The following DDC variants were observed in gnomAD, a reference collection of about 807,000 sequenced individuals.
DDC encodes aromatic-L-amino-acid decarboxylase.
Under a neutral mutation model 60.0 loss-of-function variants are expected in DDC, and 43 were observed. That is an observed-to-expected ratio of 0.72 (90% CI 0.56 to 0.92). The LOEUF is 0.92. Ranked by LOEUF, DDC falls within the 40% of genes least tolerant of loss-of-function variation. The pLI is 0.00. For missense variants in DDC, 573 were observed against 620.2 expected (o/e 0.92, Z 0.81); for synonymous variants, 232 against 234.6 (o/e 0.99, Z 0.10).
At chr7:50,485,429 A>G (rs2042861488) in intron 9 of DDC, among the ~76,000 whole-genome samples, 1 of 152,240 alleles carries the variant, frequency 6.6e-6, no homozygotes. Flanking sequence ...GTTTATGTTA[A>G]ATTATGGACT....
At chr7:50,497,692 T>C (rs753209138) in intron 8 of DDC, among the ~76,000 whole-genome samples, 10 of 152,218 alleles carry the variant, frequency 6.6e-5, no homozygotes, top group Non-Finnish European at 1.3e-4. Context: ...GAACTTCTCA[T>C]ATACTATACC....
At chr7:50,463,033 G>A (rs2042317005) in intron 14 of DDC, among the ~76,000 whole-genome samples, 180 bp downstream of exon 14, 1 of 152,196 alleles carries the variant, frequency 6.6e-6, no homozygotes, top group Non-Finnish European at 1.5e-5. Context: ...CTCCCAAAGT[G>A]CTGGGATTAC....
At chr7:50,537,830 C>T (rs765664045) in intron 4 of DDC, 30 bp downstream of exon 4, 8 of 1,613,988 alleles carry the variant, frequency 5.0e-6, no homozygotes, top group Non-Finnish European at 6.8e-6. Context: ...CCATGCATCC[C>T]AAAAGTGGCC....
At chr7:50,490,890 C>G (rs984362886) in intron 9 of DDC, among the ~76,000 whole-genome samples, 2 of 152,138 alleles carry the variant, frequency 1.3e-5, no homozygotes, top group African/African-American at 4.8e-5. Context: ...TAAATTGGCC[C>G]TATTATAATC....
intron 1 of DDC, among the ~76,000 whole-genome samples, chr7:50,564,793 A>G (rs2045396794): frequency 6.6e-6 from 1 of 152,158 alleles, no homozygotes; most frequent in Non-Finnish European, 1.5e-5. Context: ...AAACTATAAC[A>G]TACACCAAAA....
At chr7:50,516,361 A>T (rs1047737841) in intron 6 of DDC, among the ~76,000 whole-genome samples, 3 of 152,212 alleles carry the variant, frequency 2.0e-5, no homozygotes, top group African/African-American at 7.2e-5. Flanking sequence ...ATGGAAATTT[A>T]AAAATTCTTC....
chr7:50,498,879 C>G (rs1302799475), intron 8 of DDC, among the ~76,000 whole-genome samples: 1 of 152,190 alleles, frequency 6.6e-6, no homozygotes, highest in East Asian at 1.9e-4. Flanking sequence ...TACTTTCCCA[C>G]AGTTTTATAA....
At position 50,467,209 on chromosome 7, in the gene DDC, C is replaced by T. The variant is rs376967659; in HGVS notation, c.1242+5G>A. 2 of 1,611,928 alleles carry T rather than the reference C, an allele frequency of 1.2e-6. No homozygotes were observed. Among genetic ancestry groups the T allele is most frequent in the Admixed American group, 1.7e-5 (1 of 60,016 alleles). On this transcript the variant is annotated splice_donor_5th_base_variant and intron_variant, in intron 13 of 14. Transcript: ENST00000444124. ...AAATGAAGAATGGAATAGATGTAGA[C>T]AAACCTTTAGCCGAAAGCAGACAAG...
In DDC at chr7:50,546,039, T is replaced by C. The variant is rs141463838; in HGVS notation, c.-28-1926A>G. On this transcript the variant is annotated intron_variant, in intron 1 of 14. Coordinates refer to ENST00000444124, the MANE Select transcript of DDC (RefSeq NM_001082971.2). ...ATCACATGACCAGTAATTGCAGAAA[T>C]AGGATTCAAATTTATAGCTGGCTCC... Among the ~76,000 whole-genome samples, 786 of 152,112 alleles carry C rather than the reference T, an allele frequency of 5.2e-3. 4 individuals are homozygous for C. The highest frequency in any genetic ancestry group is 0.018 in the African/African-American group (748 of 41,488).
intron 13 of DDC, among the ~76,000 whole-genome samples, chr7:50,465,930 G>T (rs2042385443): frequency 6.6e-6 from 1 of 152,148 alleles, no homozygotes; most frequent in African/African-American, 2.4e-5. Context: ...CACCTCCCAG[G>T]TCTCATCACT....
intron 14 of DDC, chr7:50,459,813 C>T (rs527360210): frequency 2.1e-4 from 31 of 149,912 alleles, no homozygotes; most frequent in Non-Finnish European, 4.2e-4. Context: ...AGGCCAGCCG[C>T]CCCGTCCGGG....
In DDC at chr7:50,464,760, A is replaced by C. The variant is rs2042357889; in HGVS notation, c.1243-1329T>G. 2.0e-5 allele frequency among the ~76,000 whole-genome samples: 3 copies of C among 152,202 alleles called. No individual in the cohort carries two copies. In the South Asian group the frequency reaches 6.2e-4, roughly 32 times the overall value. ...CCATAATGAGGATGGAGGGAGAGGG[A>C]CCGTGATGCCATAGCAACATCACTT... On this transcript the variant is annotated intron_variant, in intron 13 of 14. Transcript: ENST00000444124.
intron 8 of DDC, among the ~76,000 whole-genome samples, chr7:50,495,855 G>A (rs564259278): frequency 3.9e-5 from 6 of 152,244 alleles, no homozygotes; most frequent in East Asian, 1.9e-4. Flanking sequence ...CAAGCACAAC[G>A]TACAGGAATT....
chr7:50,510,650 C>T (rs564400571), intron 6 of DDC, among the ~76,000 whole-genome samples: 275 of 112,174 alleles, frequency 2.5e-3, no homozygotes, highest in Middle Eastern at 9.3e-3. Flanking sequence ...GCCTGGGTGA[C>T]AGAGTGAGAC....
At chr7:50,538,939 TCTGTGGGCTCTTCAGCC>T (rs1210996774) in intron 3 of DDC, among the ~76,000 whole-genome samples, 4 of 151,810 alleles carry the variant, frequency 2.6e-5, no homozygotes, top group Admixed American at 2.6e-4. Context: ...GAAGAGCCCA[TCTGTGGGCTCTTCAGCC>T]CTGCCTGTAG....
rs1289397237 is a variant in DDC, at chr7:50,476,644, C to T, written c.1022-1G>A. The T allele has an allele frequency of 2.5e-6, 4 of 1,611,800 alleles. No homozygotes were observed. In the East Asian group the frequency reaches 8.9e-5, roughly 36 times the overall value. ...CTTACCCGGTAGTCAGTGATAAGCC[C>T]TGGAGAAAAGAGAAAGAAAAAGAAA... On this transcript the variant is annotated splice_acceptor_variant, in intron 10 of 14. Coordinates refer to ENST00000444124, the MANE Select transcript of DDC (RefSeq NM_001082971.2). LOFTEE classifies it high-confidence loss of function.
intron 2 of DDC, 81 bp from the exon 3 acceptor site, chr7:50,540,109 G>A (rs1459232392): frequency 7.5e-6 from 8 of 1,066,546 alleles, no homozygotes; most frequent in African/African-American, 1.6e-5. Flanking sequence ...TACCCCCATG[G>A]CTCCCAGCTG....
rs547229793 is a variant in DDC, at chr7:50,464,530, A to C, written c.1243-1099T>G. 6.6e-4 allele frequency among the ~76,000 whole-genome samples: 100 copies of C among 152,152 alleles called. 1 individual carries two copies. The highest frequency in any genetic ancestry group is 9.9e-4 in the Non-Finnish European group (67 of 68,018). On this transcript the variant is annotated intron_variant, in intron 13 of 14. Transcript: ENST00000444124. ...AAGGGAATGGAATTTTACCAAAAAG[A>C]CTCAGTATGAGAGCAAACATCTGCA... is the stretch of plus-strand genomic sequence containing the variant.
chr7:50,508,284 A>G (rs1427322624), intron 6 of DDC, among the ~76,000 whole-genome samples: 3 of 152,242 alleles, frequency 2.0e-5, no homozygotes, highest in Non-Finnish European at 2.9e-5. Flanking sequence ...GCATTGCTCA[A>G]TGACGCTAAC....
Sources: gnomAD v4.1 joint callset for allele counts (sites outside exome capture counted in the v4.1 genomes callset) on GRCh38, gnomAD v4.1.1 for gene constraint, MANE v1.5 for transcripts, NCBI Gene and HGNC (gene_info 2026-07-23, HGNC 2026-07-21) for gene names.